Variants in ZNF546 observed in about 807,000 individuals in gnomAD.
The protein encoded by ZNF546 is zinc finger protein 546.
Under a neutral mutation model 76.2 loss-of-function variants are expected in ZNF546, and 60 were observed. That is an observed-to-expected ratio of 0.79 (90% confidence interval 0.64 to 0.98). The LOEUF (loss-of-function observed/expected upper bound fraction) is 0.98. Among genes scored for constraint, ZNF546 ranks in the 50% least tolerant of loss-of-function variants. ZNF546 has a pLI of 0.00. For synonymous variants in ZNF546, 277 were observed against 328.1 expected (o/e 0.84, Z 1.68); for missense variants, 936 against 1,035.6 (o/e 0.90, Z 1.32).
chr19:40,020,951 T>C lies in ZNF546; in HGVS notation c.*5170T>C, dbSNP rs1370824297. The C allele has an allele frequency of 6.6e-6, 1 of 152,214 alleles. No homozygotes were observed. Among genetic ancestry groups the C allele is most frequent in the African/African-American group, 2.4e-5 (1 of 41,470 alleles). 9.4% of individuals were successfully genotyped at this position (152,214 alleles called of 1,614,324 possible). On this transcript the variant is annotated 3_prime_UTR_variant, in exon 7 of 7. Transcript: ENST00000347077. ...GGCTCAATTTTTTATTTGAACGTAC[T>C]ATAATGAATTTAAACTTTCATTGGT...
In ZNF546 at chr19:40,013,844, T is replaced by A. The variant is rs201940428; in HGVS notation, c.574T>A (p.Cys192Ser). 6.2e-6 allele frequency: 10 copies of A among 1,610,642 alleles called. No individual in the cohort carries two copies. The East Asian group carries it at 2.2e-4, about 36-fold the overall frequency. ...GAGACAAGAGAGACATCAGATGGGA[T>A]GCGTTAGTCAAATGCTAATCCAAAA... is the stretch of plus-strand genomic sequence containing the variant. Reference protein sequence around the residue: ...FERQERHQMGCVSQMLIQKQI... With the variant: ...FERQERHQMGSVSQMLIQKQI... Residue 192 changes from cysteine (C) to serine (S), a missense_variant, in exon 7 of 7, where the codon TGC (cysteine) becomes AGC (serine). Cys to Ser is a moderately radical substitution (Grantham distance 112, BLOSUM62 -1). Coordinates refer to ENST00000347077, the MANE Select transcript of ZNF546 (RefSeq NM_178544.5).
At chr19:39,998,841 C>T (rs894955486) in intron 3 of ZNF546, among the ~76,000 whole-genome samples, 9 of 152,030 alleles carry the variant, frequency 5.9e-5, no homozygotes, top group African/African-American at 2.2e-4. Flanking sequence ...GGCATGAACT[C>T]GGCTTACTGC....
At chr19:39,998,602 A>T (rs1477838642) in intron 3 of ZNF546, 192 bp downstream of exon 3, 2 of 551,254 alleles carry the variant, frequency 3.6e-6, no homozygotes, top group African/African-American at 1.9e-5. Context: ...TAAGGCTTTT[A>T]GAAGTGGGAA....
rs1473311489 is a variant in ZNF546 at position 40,015,084 on chromosome 19, G to C, written c.1814G>C (p.Gly605Ala). 6.2e-7 allele frequency: 1 copy of C among 1,614,016 alleles called. No homozygotes were observed. Among genetic ancestry groups the C allele is most frequent in the Admixed American group, 1.7e-5 (1 of 60,020 alleles). ...NLTQHFKIHTGEKPYICNECG... is the reference protein window; with the variant it reads ...NLTQHFKIHTAEKPYICNECG... The stretch of plus-strand genomic sequence containing the variant: ...ACTCAACATTTTAAAATTCATACTG[G>C]TGAAAAACCCTACATATGTAATGAA... Residue 605 changes from glycine to alanine, a missense_variant, in exon 7 of 7, where the codon GGT (glycine) becomes GCT (alanine). Transcript: ENST00000347077.
At chr19:40,009,201 G>A (rs1971641815) in intron 6 of ZNF546, among the ~76,000 whole-genome samples, 1 of 152,208 alleles carries the variant, frequency 6.6e-6, no homozygotes, top group Non-Finnish European at 1.5e-5. Flanking sequence ...GGCCATGTGA[G>A]TATTGAGGAA....
chr19:40,015,111 G>A lies in ZNF546; in HGVS notation c.1841G>A (p.Cys614Tyr). 6.2e-7 allele frequency: 1 copy of A among 1,614,046 alleles called. No homozygotes were observed. The change falls in exon 7 of 7, where the codon TGT becomes TAT. Residue 614 changes from cysteine (C) to tyrosine (Y), a missense_variant. By Grantham distance (194) the Cys-to-Tyr change is radical. Transcript: ENST00000347077. ...TGEKPYICNE[C>Y]GKAFRFQTEL... ...GAAAAACCCTACATATGTAATGAATGTGGGAAAGCCTTTCGATTTCAAACA... is the reference window on the plus strand; with the variant it reads ...GAAAAACCCTACATATGTAATGAATATGGGAAAGCCTTTCGATTTCAAACA...
At chr19:40,002,888 CAG>C (rs1361002857) in intron 3 of ZNF546, among the ~76,000 whole-genome samples, 2 of 151,926 alleles carry the variant, frequency 1.3e-5, no homozygotes, top group Non-Finnish European at 1.5e-5. Context: ...TTAGTAGAGA[CAG>C]GGGTTCACTA....
rs1173165330 is a variant in ZNF546 at position 40,006,126 on chromosome 19, A to T, written c.115A>T (p.Met39Leu). ...GTTTCTCTGGATTCTGTGCTTCTCC[A>T]TGGAGGAAACTCAAGGAGAACTGAC... ...PRFLWILCFS[M>L]EETQGELTSS... The change falls in exon 4 of 7, where the codon ATG becomes TTG. Residue 39 changes from methionine to leucine, a missense_variant. Transcript: ENST00000347077. 1 of 1,613,936 alleles carries T rather than the reference A, an allele frequency of 6.2e-7. No homozygotes were observed. Among genetic ancestry groups the T allele is most frequent in the Non-Finnish European group, 8.5e-7 (1 of 1,179,966 alleles).
rs978160659 is a variant in ZNF546, at chr19:40,020,397, G to A, written c.*4616G>A. 10 of 152,144 alleles carry A rather than the reference G, an allele frequency of 6.6e-5. No individual in the cohort carries two copies. The highest frequency in any genetic ancestry group is 1.5e-4 in the Non-Finnish European group (10 of 67,996). The allele number at this position is 152,144 out of a possible 1,614,324, so 9.4% of individuals were successfully genotyped here. A position where few individuals can be genotyped will look rare whatever the true frequency, so the allele number is the denominator to read the frequency against. ...TTTTTACAAATAACAATAATTGGAT[G>A]TAACAAAAAGCAGAGTATTTTGAGA... is the stretch of plus-strand genomic sequence containing the variant. On this transcript the variant is annotated 3_prime_UTR_variant, in exon 7 of 7. Transcript: ENST00000347077.
chr19:40,020,554 G>T lies in ZNF546; in HGVS notation c.*4773G>T, dbSNP rs553967892. ...TTAATGGCAACTTGAGAATTGGTTT[G>T]TGGGCACACAGCCTTGTGAAGTTTT... On this transcript the variant is annotated 3_prime_UTR_variant, in exon 7 of 7. Coordinates refer to ENST00000347077, the MANE Select transcript of ZNF546 (RefSeq NM_178544.5). 1 of 152,240 alleles carries T rather than the reference G, an allele frequency of 6.6e-6. No homozygotes were observed. The highest frequency in any genetic ancestry group is 6.5e-5 in the Admixed American group (1 of 15,298). The allele number at this position is 152,240 out of a possible 1,614,324, so 9.4% of individuals were successfully genotyped here. A position where few individuals can be genotyped will look rare whatever the true frequency, so the allele number is the denominator to read the frequency against.
chr19:40,008,496 ATTACT>A lies in ZNF546; in HGVS notation c.329_333del (p.Thr110IlefsTer52). On this transcript the variant is annotated frameshift_variant, in exon 6 of 7. Transcript: ENST00000347077. LOFTEE classifies it high-confidence loss of function. ...ATATACCATTCCTAAGCCAGATGTG[ATTACT>A]TTATTGGAGCAAGAGAAAGAGCCCT... The A allele has an allele frequency of 1.2e-6, 2 of 1,612,162 alleles. No individual in the cohort carries two copies. The highest frequency in any genetic ancestry group is 1.7e-6 in the Non-Finnish European group (2 of 1,178,642).
Position 40,014,768 on chromosome 19 carries a change from A to G in ZNF546, c.1498A>G (p.Lys500Glu). 5 of 1,613,832 alleles carry G rather than the reference A, an allele frequency of 3.1e-6. No homozygotes were observed. The highest frequency in any genetic ancestry group is 3.4e-6 in the Non-Finnish European group (4 of 1,180,008). ...CACCGGTGAGATTCCCTATGAATGT[A>G]AGGAATGTGGAAAAACCTTCAGTAG... Reference protein sequence around the residue: ...THTGEIPYECKECGKTFSSRY... With the variant: ...THTGEIPYECEECGKTFSSRY... Residue 500 changes from lysine (K) to glutamate (E), a missense_variant, in exon 7 of 7, where the codon AAG becomes GAG. Lys to Glu is a moderately conservative substitution (Grantham distance 56). Coordinates refer to ENST00000347077, the MANE Select transcript of ZNF546 (RefSeq NM_178544.5).
At chr19:40,009,763 T>C (rs532912804) in intron 6 of ZNF546, among the ~76,000 whole-genome samples, 130 of 152,322 alleles carry the variant, frequency 8.5e-4, no homozygotes, top group African/African-American at 2.9e-3. Flanking sequence ...TCTTCCTTTT[T>C]TAAAAATATG....
rs757643948 is a variant in ZNF546, at chr19:40,015,347, T to C, written c.2077T>C (p.Tyr693His). 9 of 1,614,088 alleles carry C rather than the reference T, an allele frequency of 5.6e-6. No individual in the cohort carries two copies. In the East Asian group the frequency reaches 2.0e-4, roughly 36 times the overall value. Residue 693 changes from tyrosine (Y) to histidine (H), a missense_variant, in exon 7 of 7, where the codon TAC becomes CAC. Physicochemically the swap from Tyr to His is moderately conservative, Grantham distance 83. Transcript: ENST00000347077. ...CAGAGGCCATACTGGTGAGAAGCCCTACATATGTAATGAATGTGGGAATGC... is the reference window on the plus strand; with the variant it reads ...CAGAGGCCATACTGGTGAGAAGCCCCACATATGTAATGAATGTGGGAATGC... ...HHRGHTGEKPYICNECGNAFI... is the reference protein window; with the variant it reads ...HHRGHTGEKPHICNECGNAFI...
chr19:40,004,566 G>C (rs534626613), intron 3 of ZNF546, among the ~76,000 whole-genome samples: 3 of 152,154 alleles, frequency 2.0e-5, no homozygotes, highest in Non-Finnish European at 4.4e-5. Context: ...ACCGTGCCCA[G>C]CCTAAATTAA....
chr19:39,998,299 G>A lies in ZNF546; in HGVS notation c.-28G>A, dbSNP rs1442925431. 7.5e-6 allele frequency: 12 copies of A among 1,591,252 alleles called. No homozygotes were observed. Among genetic ancestry groups the A allele is most frequent in the Non-Finnish European group, 9.5e-6 (11 of 1,159,402 alleles). ...CTGAATTGTCCAGTGACCTATCCCA[G>A]GCCTTCCTTTCCAGTGAACAATGGA... is the stretch of plus-strand genomic sequence containing the variant. On this transcript the variant is annotated 5_prime_UTR_variant, in exon 3 of 7. Coordinates refer to ENST00000347077, the MANE Select transcript of ZNF546 (RefSeq NM_178544.5).
chr19:40,014,996 A>G lies in ZNF546; in HGVS notation c.1726A>G (p.Thr576Ala). The change falls in exon 7 of 7, where the codon ACC becomes GCC. Residue 576 changes from threonine to alanine, a missense_variant. Transcript: ENST00000347077. ...ATTTATTTCACACCAGCGAATTCACACCAGTGAGAGCACCTACATATGTAA... is the reference window on the plus strand; with the variant it reads ...ATTTATTTCACACCAGCGAATTCACGCCAGTGAGAGCACCTACATATGTAA... ...NQFISHQRIH[T>A]SESTYICKEC... The G allele has an allele frequency of 2.5e-6, 4 of 1,614,142 alleles. No individual in the cohort carries two copies. Among genetic ancestry groups the G allele is most frequent in the Non-Finnish European group, 2.5e-6 (3 of 1,179,972 alleles).
Position 40,016,589 on chromosome 19 carries a change from C to T in ZNF546, c.*808C>T, listed in dbSNP as rs1971772124. 6.6e-6 allele frequency: 1 copy of T among 152,032 alleles called. No individual in the cohort carries two copies. Among genetic ancestry groups the T allele is most frequent in the South Asian group, 2.1e-4 (1 of 4,820 alleles). 9.4% of individuals were successfully genotyped at this position (152,032 alleles called of 1,614,324 possible). A position where few individuals can be genotyped will look rare whatever the true frequency, so the allele number is the denominator to read the frequency against. On this transcript the variant is annotated 3_prime_UTR_variant, in exon 7 of 7. Coordinates refer to ENST00000347077, the MANE Select transcript of ZNF546 (RefSeq NM_178544.5). ...AAACAGACATACAAAATAAAAGCCCCAGTTTTTTATTATGGTATTTAACTG... is the reference window on the plus strand; with the variant it reads ...AAACAGACATACAAAATAAAAGCCCTAGTTTTTTATTATGGTATTTAACTG...
intron 3 of ZNF546, among the ~76,000 whole-genome samples, chr19:40,005,057 C>T (rs944584666): frequency 2.5e-5 from 3 of 119,170 alleles, no homozygotes; most frequent in East Asian, 4.9e-4. Context: ...CTTGCTCTGT[C>T]GCCCAGGTTG....
Sources: gnomAD v4.1 joint callset for allele counts (sites outside exome capture counted in the v4.1 genomes callset) on GRCh38, gnomAD v4.1.1 for gene constraint, MANE v1.5 for transcripts, NCBI Gene and HGNC (gene_info 2026-07-23, HGNC 2026-07-21) for gene names.